Variants in ITGB1 observed in about 807,000 individuals in gnomAD.
ITGB1 encodes the protein integrin subunit beta 1, also known as integrin beta-1.
Under a neutral mutation model 86.5 loss-of-function variants are expected in ITGB1, and 24 were observed. The observed-to-expected ratio is 0.28, with a 90% CI of 0.20 to 0.39. The LOEUF is 0.39. Ranked by LOEUF, ITGB1 falls within the 10% of genes least tolerant of loss-of-function variation. The pLI is 1.00. For synonymous variants in ITGB1, 323 were observed against 316.8 expected, an observed-to-expected ratio of 1.02 and a Z score of -0.21; for missense variants, 556 against 946.9, an observed-to-expected ratio of 0.59 and a Z score of 5.42.
rs2094882322 is a variant in ITGB1, at chr10:32,901,688, T to C, written c.2332-53A>G. 5 of 1,144,030 alleles carry C rather than the reference T, an allele frequency of 4.4e-6. No individual in the cohort carries two copies. In the Admixed American group the frequency reaches 1.0e-4, roughly 24 times the overall value. The allele number at this position is 1,144,030 out of a possible 1,614,324, so 70.9% of individuals were successfully genotyped here. The stretch of plus-strand genomic sequence containing the variant: ...TATCAGTTACCCTACTAAAATTATG[T>C]AGAATAATTTTTATAAATCAAGACT... On this transcript the variant is annotated intron_variant, in intron 15 of 15. Coordinates refer to ENST00000302278, the MANE Select transcript of ITGB1 (RefSeq NM_002211.4).
At chr10:32,939,446 T>C (rs546289644) in intron 1 of ITGB1, among the ~76,000 whole-genome samples, 3 of 152,194 alleles carry the variant, frequency 2.0e-5, no homozygotes, top group African/African-American at 7.2e-5. Context: ...ACCATCACAG[T>C]GCACTTACAC....
rs564894876 is a variant in ITGB1 at position 32,927,499 on chromosome 10, T to C, written c.547+595A>G. Among the ~76,000 whole-genome samples the C allele has an allele frequency of 6.9e-4, 105 of 152,210 alleles. 1 individual carries two copies. In the Middle Eastern group the frequency reaches 0.014, roughly 20 times the overall value. ...GGGTATTCAACACATGTTTATAAAA[T>C]AAGTCATAAGGGCCAGGCATGGTGG... On this transcript the variant is annotated intron_variant, in intron 5 of 15. Transcript: ENST00000302278.
intron 11 of ITGB1, among the ~76,000 whole-genome samples, chr10:32,913,614 A>C (rs2094921174): frequency 6.6e-6 from 1 of 152,140 alleles, no homozygotes; most frequent in Non-Finnish European, 1.5e-5. Flanking sequence ...AGTTTAGAGA[A>C]AAAAAAGAGT....
chr10:32,906,053 C>T (rs2094895420), intron 15 of ITGB1, among the ~76,000 whole-genome samples: 1 of 151,984 alleles, frequency 6.6e-6, no homozygotes, highest in African/African-American at 2.4e-5. Context: ...CTCACATACA[C>T]ACACAGACAC....
chr10:32,940,823 G>A (rs563224708), intron 1 of ITGB1, among the ~76,000 whole-genome samples: 2 of 152,168 alleles, frequency 1.3e-5, no homozygotes, highest in Admixed American at 1.3e-4. Context: ...AAAGCAACAT[G>A]TAAGACTATT....
At position 32,907,540 on chromosome 10, in the gene ITGB1, A is replaced by G. The variant is rs2094900186; in HGVS notation, c.2331+828T>C. Reference sequence around the variant, plus strand: ...AGAGGAACATACATCTTTTTAAAGTACATAGTTCTGTGAGTTTTCAAATAC... The same window carrying G: ...AGAGGAACATACATCTTTTTAAAGTGCATAGTTCTGTGAGTTTTCAAATAC... On this transcript the variant is annotated intron_variant, in intron 15 of 15. Coordinates refer to ENST00000302278, the MANE Select transcript of ITGB1 (RefSeq NM_002211.4). 3.9e-5 allele frequency among the ~76,000 whole-genome samples: 6 copies of G among 152,288 alleles called. No homozygotes were observed. The South Asian group carries it at 1.2e-3, about 32-fold the overall frequency.
In ITGB1 at chr10:32,901,433, T is replaced by A. The variant is rs889554468; in HGVS notation, c.*137A>T. 4.5e-5 allele frequency: 25 copies of A among 550,340 alleles called. No individual in the cohort carries two copies. The highest frequency in any genetic ancestry group is 3.9e-4 in the African/African-American group (20 of 50,720). 34.1% of individuals were successfully genotyped at this position (550,340 alleles called of 1,614,324 possible). On this transcript the variant is annotated 3_prime_UTR_variant, in exon 16 of 16. Transcript: ENST00000302278. ...TTATTTTCAAAATAATAAAACATTT[T>A]AAAAATTATACATATTGTACATTTT...
chr10:32,906,645 T>G (rs2094897213), intron 15 of ITGB1: 1 of 191,358 alleles, frequency 5.2e-6, no homozygotes, highest in Non-Finnish European at 1.1e-5. Flanking sequence ...AATATCATTC[T>G]AGGCACAGGA....
intron 6 of ITGB1, among the ~76,000 whole-genome samples, chr10:32,925,375 C>A (rs2094961514): frequency 6.6e-6 from 1 of 152,146 alleles, no homozygotes; most frequent in South Asian, 2.1e-4. Flanking sequence ...TTAAAAAGTT[C>A]TCTCTTTTTG....
chr10:32,909,672 C>T (rs999867750), intron 14 of ITGB1, among the ~76,000 whole-genome samples: 1 of 151,968 alleles, frequency 6.6e-6, no homozygotes, highest in East Asian at 1.9e-4. Flanking sequence ...CTCCAAAATG[C>T]CATTTTTAGT....
Position 32,923,702 on chromosome 10 carries a change from C to G in ITGB1, c.825G>C (p.Val275=), listed in dbSNP as rs201054087. The change falls in exon 7 of 16, where the codon GTG becomes GTC. Residue 275 remains valine, a synonymous_variant. Coordinates refer to ENST00000302278, the MANE Select transcript of ITGB1 (RefSeq NM_002211.4). Reference sequence around the variant, plus strand: ...AGTGAAACCCGGCATCTGTGGAAAACACCAGCAGCCGTGTAACATTCCTCC... The same window carrying G: ...AGTGAAACCCGGCATCTGTGGAAAAGACCAGCAGCCGTGTAACATTCCTCC... ...IGWRNVTRLL[V]FSTDAGFHFA... 81 of 1,613,722 alleles carry G rather than the reference C, an allele frequency of 5.0e-5. No homozygotes were observed. The highest frequency in any genetic ancestry group is 6.7e-5 in the Non-Finnish European group (79 of 1,179,888).
intron 15 of ITGB1, 53 bp from the exon 16 acceptor site, chr10:32,901,688 T>A: frequency 2.6e-6 from 3 of 1,144,030 alleles, no homozygotes; most frequent in Non-Finnish European, 3.9e-6. Context: ...TAAAATTATG[T>A]AGAATAATTT....
At chr10:32,921,163 C>CAAAAAAA (rs5784312) in intron 9 of ITGB1, among the ~76,000 whole-genome samples, 1 of 121,830 alleles carries the variant, frequency 8.2e-6, no homozygotes, top group African/African-American at 3.1e-5. Context: ...GTAGCCCAGC[C>CAAAAAAA]AAAAAAAAAA....
At chr10:32,950,453 C>A (rs1282894969) in intron 1 of ITGB1, among the ~76,000 whole-genome samples, 1 of 151,914 alleles carries the variant, frequency 6.6e-6, no homozygotes. Flanking sequence ...ACTTTTTTTC[C>A]TTCCATCTGG....
At chr10:32,944,393 T>C (rs1024152822) in intron 1 of ITGB1, 3 of 295,830 alleles carry the variant, frequency 1.0e-5, no homozygotes, top group Non-Finnish European at 2.0e-5. Flanking sequence ...CCTTGGTCTG[T>C]AAAGGGGCGT....
chr10:32,925,141 G>C (rs2094960923), intron 6 of ITGB1, among the ~76,000 whole-genome samples: 1 of 152,156 alleles, frequency 6.6e-6, no homozygotes, highest in Admixed American at 6.5e-5. Flanking sequence ...AATGAGACAA[G>C]AGTAGGTACG....
At chr10:32,956,453 A>G (rs1323648719) in intron 1 of ITGB1, among the ~76,000 whole-genome samples, 2 of 152,134 alleles carry the variant, frequency 1.3e-5, no homozygotes, top group Admixed American at 1.3e-4. Flanking sequence ...CACGCCTGTA[A>G]TCCCAGCACT....
At chr10:32,923,933 A>G (rs866771475) in intron 6 of ITGB1, among the ~76,000 whole-genome samples, 193 bp from the exon 7 acceptor site, 11 of 152,352 alleles carry the variant, frequency 7.2e-5, no homozygotes, top group Middle Eastern at 3.4e-3. Context: ...CATCCCATGT[A>G]CAACGATATC....
chr10:32,907,010 TAA>T, intron 15 of ITGB1: 1 of 870,816 alleles, frequency 1.1e-6, no homozygotes, highest in Admixed American at 2.1e-5. Context: ...CACAGTGCAG[TAA>T]AAAAGATAGA....
Sources: gnomAD v4.1 joint callset for allele counts (sites outside exome capture counted in the v4.1 genomes callset) on GRCh38, gnomAD v4.1.1 for gene constraint, MANE v1.5 for transcripts, NCBI Gene and HGNC (gene_info 2026-07-23, HGNC 2026-07-21) for gene names.